The following CPNE8 variants were observed in gnomAD, a reference collection of about 807,000 sequenced individuals.
CPNE8 encodes copine-8.
CPNE8 carries 45 observed loss-of-function variants against 81.5 expected under a neutral mutation model. The observed-to-expected ratio is 0.55, with a 90% CI of 0.44 to 0.71. The LOEUF (loss-of-function observed/expected upper bound fraction) is 0.71, where lower values mean the gene tolerates loss of function less well. CPNE8 is among the 30% of genes least tolerant of loss of function. The probability of loss-of-function intolerance (pLI) is 0.00; values close to 1 mark genes in which losing one functional copy is unlikely to be tolerated. For synonymous variants in CPNE8, 252 were observed against 226.3 expected, an observed-to-expected ratio of 1.11 and a Z score of -1.02; for missense variants, 594 against 672.1, an observed-to-expected ratio of 0.88 and a Z score of 1.28.
intron 8 of CPNE8, among the ~76,000 whole-genome samples, chr12:38,766,005 C>T (rs976731157): frequency 6.6e-6 from 1 of 152,040 alleles, no homozygotes; most frequent in Non-Finnish European, 1.5e-5. Flanking sequence ...ATTACTGGCA[C>T]CTGCCACCAC....
intron 19 of CPNE8, among the ~76,000 whole-genome samples, chr12:38,663,248 T>A (rs1166265107): frequency 6.6e-6 from 1 of 151,858 alleles, no homozygotes; most frequent in Non-Finnish European, 1.5e-5. Flanking sequence ...ATGCAATGAA[T>A]TCAAACAATA....
intron 3 of CPNE8, among the ~76,000 whole-genome samples, chr12:38,850,299 A>G (rs924215881): frequency 6.6e-6 from 1 of 152,178 alleles, no homozygotes; most frequent in African/African-American, 2.4e-5. Context: ...ATTCCCAAGT[A>G]TCTGGATTTT....
At chr12:38,824,586 A>C (rs1943159697) in intron 6 of CPNE8, among the ~76,000 whole-genome samples, 1 of 152,038 alleles carries the variant, frequency 6.6e-6, no homozygotes, top group African/African-American at 2.4e-5. Flanking sequence ...CAAAAAAAAA[A>C]CAAGGAAGTA....
chr12:38,690,900 C>T (rs1400825821), intron 15 of CPNE8, among the ~76,000 whole-genome samples: 1 of 152,046 alleles, frequency 6.6e-6, no homozygotes, highest in Non-Finnish European at 1.5e-5. Flanking sequence ...TAAGACACAA[C>T]AAAATCCCAA....
intron 7 of CPNE8, among the ~76,000 whole-genome samples, chr12:38,774,305 A>G (rs1239577532): frequency 6.6e-6 from 1 of 152,172 alleles, no homozygotes; most frequent in Non-Finnish European, 1.5e-5. Context: ...ATAGCATGTT[A>G]ATATCACCAA....
intron 6 of CPNE8, among the ~76,000 whole-genome samples, chr12:38,822,746 A>T (rs1286383205): frequency 6.6e-6 from 1 of 152,024 alleles, no homozygotes; most frequent in East Asian, 1.9e-4. Context: ...AATTCTTATT[A>T]CAAATGTGAC....
intron 6 of CPNE8, among the ~76,000 whole-genome samples, chr12:38,824,827 C>T (rs1565636430): frequency 6.6e-6 from 1 of 152,124 alleles, no homozygotes; most frequent in Non-Finnish European, 1.5e-5. Context: ...CAGTGCCCAT[C>T]CAGATAGGGA....
At chr12:38,743,777 T>C (rs1289465641) in intron 10 of CPNE8, among the ~76,000 whole-genome samples, 1 of 151,476 alleles carries the variant, frequency 6.6e-6, no homozygotes, top group East Asian at 1.9e-4. Flanking sequence ...TAGGGTACAT[T>C]AGGAGATACA....
At chr12:38,880,750 A>G (rs1269139404) in intron 1 of CPNE8, among the ~76,000 whole-genome samples, 2 of 152,216 alleles carry the variant, frequency 1.3e-5, no homozygotes, top group East Asian at 3.8e-4. Context: ...AGTGATTTAA[A>G]TGCAATGTTT....
At chr12:38,696,498 T>C (rs866479347) in intron 14 of CPNE8, among the ~76,000 whole-genome samples, 6 of 152,158 alleles carry the variant, frequency 3.9e-5, no homozygotes, top group African/African-American at 1.2e-4. Flanking sequence ...GTTAATAACA[T>C]TGGGGCCCAA....
intron 12 of CPNE8, among the ~76,000 whole-genome samples, chr12:38,724,426 C>T (rs1199268831): frequency 6.6e-6 from 1 of 152,116 alleles, no homozygotes; most frequent in African/African-American, 2.4e-5. Context: ...ACCATTCCCA[C>T]AGAGTTGTCA....
intron 17 of CPNE8, 43 bp downstream of exon 17, chr12:38,677,409 T>A: frequency 9.9e-7 from 1 of 1,010,668 alleles, no homozygotes; most frequent in Admixed American, 1.7e-5. Context: ...AGTAGCACCA[T>A]GTTGTCACGT....
chr12:38,874,642 T>C (rs1944041891), intron 1 of CPNE8, 131 bp from the exon 2 acceptor site: 2 of 511,196 alleles, frequency 3.9e-6, no homozygotes, highest in South Asian at 5.9e-5. Flanking sequence ...CACATATACA[T>C]ATATATGACT....
chr12:38,786,197 GAAAAT>G (rs1942182853), intron 6 of CPNE8, among the ~76,000 whole-genome samples: 1 of 152,136 alleles, frequency 6.6e-6, no homozygotes, highest in African/African-American at 2.4e-5. Flanking sequence ...AGCACACACT[GAAAAT>G]AAAGGGATGA....
At chr12:38,873,144 C>A in intron 2 of CPNE8, 94 bp from the exon 3 acceptor site, 1 of 749,148 alleles carries the variant, frequency 1.3e-6, no homozygotes, top group Non-Finnish European at 2.2e-6. Context: ...TCAAAAGCTA[C>A]ATCAAAATTA....
At chr12:38,885,854 G>C (rs1354813221) in intron 1 of CPNE8, among the ~76,000 whole-genome samples, 2 of 152,046 alleles carry the variant, frequency 1.3e-5, no homozygotes, top group Non-Finnish European at 2.9e-5. Flanking sequence ...TTGTTTAAAA[G>C]TGTGTAGTAC....
Position 38,809,793 on chromosome 12 carries a change from T to C in CPNE8, c.407+19586A>G, listed in dbSNP as rs1367818131. On this transcript the variant is annotated intron_variant, in intron 6 of 19. Transcript: ENST00000331366. ...AATCACATATGGTTGGGGCTCTGTA[T>C]ATAATCTATCATGGGACATAGATCA... 2.6e-5 allele frequency among the ~76,000 whole-genome samples: 4 copies of C among 152,216 alleles called. 1 individual carries two copies. Among genetic ancestry groups the C allele is most frequent in the African/African-American group, 4.8e-5 (2 of 41,464 alleles).
intron 6 of CPNE8, among the ~76,000 whole-genome samples, chr12:38,828,167 G>A (rs558530409): frequency 1.3e-5 from 2 of 152,216 alleles, no homozygotes; most frequent in African/African-American, 4.8e-5. Context: ...AGATTTAGTG[G>A]TCTTAGGAAT....
chr12:38,793,306 A>G (rs539324438), intron 6 of CPNE8, among the ~76,000 whole-genome samples: 2 of 145,668 alleles, frequency 1.4e-5, no homozygotes, highest in South Asian at 4.4e-4. Flanking sequence ...GAGCTCATGC[A>G]TTATGTAGAA....
Sources: allele counts gnomAD v4.1 joint callset (sites outside exome capture counted in the v4.1 genomes callset), GRCh38; gene constraint gnomAD v4.1.1; transcripts MANE v1.5; gene names NCBI Gene and HGNC (gene_info 2026-07-23, HGNC 2026-07-21).